Variants in TSHZ2 observed in about 807,000 individuals in gnomAD.
The protein encoded by TSHZ2 is teashirt zinc finger homeobox 2.
In TSHZ2, 21 loss-of-function variants were observed where a neutral mutation model predicts 74.4. That is an observed-to-expected ratio of 0.28 (90% CI 0.20 to 0.41). The LOEUF is 0.41. Among genes scored for constraint, TSHZ2 ranks in the 10% least tolerant of loss-of-function variants. The pLI, the probability that TSHZ2 is intolerant of heterozygous loss-of-function variation, is 1.00. For missense variants in TSHZ2, 1,244 were observed against 1,293.5 expected (o/e 0.96, Z 0.59); for synonymous variants, 540 against 515.3 (o/e 1.05, Z -0.65).
At chr20:53,425,810 T>C (rs2145724436) in intron 2 of TSHZ2, among the ~76,000 whole-genome samples, 1 of 151,578 alleles carries the variant, frequency 6.6e-6, no homozygotes, top group Non-Finnish European at 1.5e-5. Context: ...TGTTTTTTTT[T>C]TTCTCACCAT....
intron 1 of TSHZ2, among the ~76,000 whole-genome samples, chr20:52,989,519 C>G (rs1352643692): frequency 1.3e-5 from 2 of 152,168 alleles, no homozygotes; most frequent in African/African-American, 4.8e-5. Flanking sequence ...TAGTTAAGGA[C>G]TCTTTGAACA....
chr20:53,469,890 A>AGG, intron 2 of TSHZ2, among the ~76,000 whole-genome samples: 1 of 136,372 alleles, frequency 7.3e-6, no homozygotes, highest in African/African-American at 2.8e-5. Context: ...AAAAAGAGAG[A>AGG]GAGGAAAGGA....
At chr20:53,472,889 G>T (rs141894951) in intron 2 of TSHZ2, among the ~76,000 whole-genome samples, 1,711 of 152,190 alleles carry the variant, frequency 0.011, 39 homozygotes, top group African/African-American at 0.039. Context: ...TCAAAGAAAG[G>T]GGTGACGGAC....
chr20:53,422,078 C>T (rs2145718635), intron 2 of TSHZ2, among the ~76,000 whole-genome samples: 1 of 152,272 alleles, frequency 6.6e-6, no homozygotes, highest in South Asian at 2.1e-4. Context: ...ATATTGTGCT[C>T]TTAATGCAGT....
chr20:53,483,527 C>CAAAGA, intron 2 of TSHZ2, among the ~76,000 whole-genome samples: 2 of 152,066 alleles, frequency 1.3e-5, no homozygotes, highest in Middle Eastern at 3.4e-3. Context: ...CCCCCATCCC[C>CAAAGA]AAACAAAACA....
At chr20:53,436,069 GATC>G (rs1255850510) in intron 2 of TSHZ2, among the ~76,000 whole-genome samples, 1 of 152,178 alleles carries the variant, frequency 6.6e-6, no homozygotes, top group African/African-American at 2.4e-5. Context: ...ATATTGTTAT[GATC>G]ATCAGGCGTA....
chr20:53,387,597 G>A (rs1982095681), intron 2 of TSHZ2, among the ~76,000 whole-genome samples: 1 of 152,164 alleles, frequency 6.6e-6, no homozygotes, highest in Non-Finnish European at 1.5e-5. Flanking sequence ...CTTGATTTGG[G>A]AAGAAACCAA....
At position 53,106,707 on chromosome 20, in the gene TSHZ2, G is replaced by GTTT. The variant is rs796905956; in HGVS notation, c.40+133382_40+133384dup. 2.2e-4 allele frequency among the ~76,000 whole-genome samples: 24 copies of GTTT among 110,266 alleles called. 1 individual carries two copies. The highest frequency in any genetic ancestry group is 7.9e-4 in the African/African-American group (22 of 27,790). The allele number at this position is 110,266 out of a possible 152,430, so 72.3% of individuals were successfully genotyped here. A position where few individuals can be genotyped will look rare whatever the true frequency, so the allele number is the denominator to read the frequency against. ...GCCACCACGCAGGGCATTTTTTTTTGTTTTTTTTTTGACACAGAGTCCCTC... is the reference window on the plus strand; with the variant it reads ...GCCACCACGCAGGGCATTTTTTTTTGTTTTTTTTTTTTTGACACAGAGTCCCTC... On this transcript the variant is annotated intron_variant, in intron 1 of 2. Transcript: ENST00000371497.
intron 2 of TSHZ2, among the ~76,000 whole-genome samples, chr20:53,291,731 C>T (rs1218222963): frequency 6.6e-6 from 1 of 152,098 alleles, no homozygotes; most frequent in African/African-American, 2.4e-5. Context: ...AGTTCTGAAA[C>T]AGCTCCCTCT....
intron 1 of TSHZ2, among the ~76,000 whole-genome samples, chr20:53,063,333 T>TA (rs1200784449): frequency 6.6e-6 from 1 of 152,212 alleles, no homozygotes; most frequent in African/African-American, 2.4e-5. Context: ...ACATTTCCAG[T>TA]ACTGTAAAAT....
rs1320650100 is a variant in TSHZ2, at chr20:53,373,627, G to T, written c.*9-113517G>T. ...AGTTGGGTGGAAGTGATGAGAAATA[G>T]TTGCATTTGGGATGTATGTTCAAGT... On this transcript the variant is annotated intron_variant, in intron 2 of 2. Transcript: ENST00000371497. Among the ~76,000 whole-genome samples the T allele has an allele frequency of 2.0e-5, 3 of 152,298 alleles. No individual in the cohort carries two copies. The East Asian group carries it at 5.8e-4, about 29-fold the overall frequency.
chr20:53,129,375 G>A (rs1469188460), intron 1 of TSHZ2, among the ~76,000 whole-genome samples: 4 of 151,772 alleles, frequency 2.6e-5, no homozygotes, highest in African/African-American at 7.3e-5. Context: ...TTTAAAAATC[G>A]GGCAATGGAT....
intron 2 of TSHZ2, among the ~76,000 whole-genome samples, chr20:53,316,395 G>A (rs188904998): frequency 3.9e-5 from 6 of 152,042 alleles, no homozygotes; most frequent in South Asian, 2.1e-4. Flanking sequence ...AGCCCTCAGC[G>A]TAGTAGGGGG....
chr20:53,272,940 T>C (rs772667109), intron 2 of TSHZ2, among the ~76,000 whole-genome samples: 1 of 152,098 alleles, frequency 6.6e-6, no homozygotes, highest in Non-Finnish European at 1.5e-5. Flanking sequence ...CAAGGAAATA[T>C]GGGGTAGTGC....
intron 1 of TSHZ2, among the ~76,000 whole-genome samples, chr20:53,181,224 A>G (rs899409722): frequency 1.3e-5 from 2 of 152,186 alleles, no homozygotes; most frequent in African/African-American, 4.8e-5. Context: ...ACTCTCTGAA[A>G]TGATATTGTT....
At chr20:53,270,250 G>A (rs1352793815) in intron 2 of TSHZ2, among the ~76,000 whole-genome samples, 2 of 152,150 alleles carry the variant, frequency 1.3e-5, no homozygotes, top group Non-Finnish European at 2.9e-5. Flanking sequence ...CACCCTTGGT[G>A]CCTGCAAGTG....
chr20:53,008,340 A>G (rs1313578950), intron 1 of TSHZ2, among the ~76,000 whole-genome samples: 1 of 152,230 alleles, frequency 6.6e-6, no homozygotes, highest in Non-Finnish European at 1.5e-5. Flanking sequence ...CAGGAATGAC[A>G]TTGGCAGAGC....
At chr20:53,071,157 T>C (rs990311006) in intron 1 of TSHZ2, among the ~76,000 whole-genome samples, 2 of 152,156 alleles carry the variant, frequency 1.3e-5, no homozygotes, top group African/African-American at 4.8e-5. Flanking sequence ...TCCCCCCCAT[T>C]TGGTGAACTG....
intron 2 of TSHZ2, among the ~76,000 whole-genome samples, chr20:53,413,157 G>A (rs1200701887): frequency 1.3e-5 from 2 of 152,186 alleles, no homozygotes; most frequent in Admixed American, 1.3e-4. Context: ...AGAGTTCTGG[G>A]AGCAGATGTA....
Sources: allele counts gnomAD v4.1 joint callset (sites outside exome capture counted in the v4.1 genomes callset), GRCh38; gene constraint gnomAD v4.1.1; transcripts MANE v1.5; gene names NCBI Gene and HGNC (gene_info 2026-07-23, HGNC 2026-07-21).